RRAS2: variants seen among roughly 807,000 people sequenced by gnomAD.
RRAS2 encodes ras-related protein R-Ras2.
Under a neutral mutation model 27.6 loss-of-function variants are expected in RRAS2, and 7 were observed. The ratio of observed to expected loss-of-function variants is 0.25; its 90% CI spans 0.14 to 0.48. The LOEUF is 0.48. Ranked by LOEUF, RRAS2 falls within the 20% of genes least tolerant of loss-of-function variation. RRAS2 has a pLI of 0.99. For synonymous variants in RRAS2, 86 were observed against 90.9 expected (o/e 0.95, Z 0.31); for missense variants, 178 against 256.2 (o/e 0.69, Z 2.08).
intron 4 of RRAS2, among the ~76,000 whole-genome samples, chr11:14,293,738 T>C (rs1343944090): frequency 2.0e-5 from 3 of 152,134 alleles, no homozygotes; most frequent in African/African-American, 7.2e-5. Context: ...TCTTTATAAA[T>C]TACCCAGTCT....
At chr11:14,354,472 G>A (rs781937563) in intron 1 of RRAS2, 2 of 151,876 alleles carry the variant, frequency 1.3e-5, no homozygotes, top group Non-Finnish European at 1.5e-5. Context: ...AACTCAAAAC[G>A]GAATCCACAT....
At chr11:14,361,069 C>T (rs1554956139), upstream of RRAS2, among the ~76,000 whole-genome samples, 1 of 151,906 alleles carries the variant, frequency 6.6e-6, no homozygotes, top group African/African-American at 2.4e-5. Context: ...GCGGATTGCT[C>T]GCTTGAGCCC....
chr11:14,307,381 C>T (rs1373480490), intron 1 of RRAS2, among the ~76,000 whole-genome samples: 3 of 151,970 alleles, frequency 2.0e-5, no homozygotes, highest in African/African-American at 4.8e-5. Flanking sequence ...TCAAGACAAC[C>T]GTATTGGTAA....
chr11:14,333,953 T>G (rs1848538418), intron 1 of RRAS2, among the ~76,000 whole-genome samples: 1 of 152,218 alleles, frequency 6.6e-6, no homozygotes, highest in African/African-American at 2.4e-5. Flanking sequence ...TAATGAGCAT[T>G]AGCTTACCAG....
At chr11:14,344,768 T>C (rs1848793067) in intron 1 of RRAS2, among the ~76,000 whole-genome samples, 1 of 152,204 alleles carries the variant, frequency 6.6e-6, no homozygotes, top group African/African-American at 2.4e-5. Flanking sequence ...GACTATCTTC[T>C]CCAAAGACTA....
intron 4 of RRAS2, among the ~76,000 whole-genome samples, chr11:14,289,006 T>C (rs972287355): frequency 7.2e-5 from 11 of 152,188 alleles, no homozygotes; most frequent in Non-Finnish European, 1.3e-4. Flanking sequence ...CTGAACAAAA[T>C]TGACCTGTCA....
chr11:14,312,849 T>A (rs1340585275), intron 1 of RRAS2, among the ~76,000 whole-genome samples: 1 of 152,142 alleles, frequency 6.6e-6, no homozygotes, highest in African/African-American at 2.4e-5. Context: ...AGAACTAAAT[T>A]CCTCATCAAG....
At chr11:14,305,995 C>T (rs1218074301) in intron 1 of RRAS2, among the ~76,000 whole-genome samples, 3 of 152,012 alleles carry the variant, frequency 2.0e-5, no homozygotes, top group African/African-American at 7.3e-5. Context: ...CAGTGAGCTG[C>T]GACCGCACCA....
At chr11:14,361,833 C>A (rs1554956190), upstream of RRAS2, among the ~76,000 whole-genome samples, 1 of 152,174 alleles carries the variant, frequency 6.6e-6, no homozygotes, top group African/African-American at 2.4e-5. Flanking sequence ...GGAAACAACT[C>A]AGTTGTCCCT....
At chr11:14,350,698 T>TA (rs1158109878) in intron 1 of RRAS2, among the ~76,000 whole-genome samples, 27 of 149,090 alleles carry the variant, frequency 1.8e-4, no homozygotes, top group East Asian at 3.9e-4. Flanking sequence ...CTGACGAGGT[T>TA]AAAAAAAAAA....
intron 1 of RRAS2, among the ~76,000 whole-genome samples, chr11:14,339,950 C>T (rs1485995165): frequency 1.3e-5 from 2 of 151,694 alleles, no homozygotes; most frequent in Non-Finnish European, 2.9e-5. Context: ...CCCGTCCCTA[C>T]TAAGAACACA....
At chr11:14,348,285 CT>C (rs782297094) in intron 1 of RRAS2, among the ~76,000 whole-genome samples, 7 of 152,152 alleles carry the variant, frequency 4.6e-5, no homozygotes, top group Non-Finnish European at 8.8e-5. Flanking sequence ...AGATTTCCCC[CT>C]GTAAAGTTGT....
chr11:14,300,757 A>T (rs1039998434), intron 1 of RRAS2, among the ~76,000 whole-genome samples: 2 of 152,126 alleles, frequency 1.3e-5, no homozygotes, highest in Non-Finnish European at 2.9e-5. Flanking sequence ...CTCCCCATTC[A>T]AAGAAGCCAC....
intron 1 of RRAS2, among the ~76,000 whole-genome samples, chr11:14,299,748 T>C (rs562915690): frequency 6.0e-4 from 92 of 152,310 alleles, no homozygotes; most frequent in African/African-American, 2.1e-3. Flanking sequence ...GTGCCTTTTA[T>C]ACAACCACCA....
upstream of RRAS2, among the ~76,000 whole-genome samples, chr11:14,360,536 G>GACT (rs1297888060): frequency 3.9e-5 from 6 of 152,052 alleles, no homozygotes; most frequent in Admixed American, 3.9e-4. Context: ...TAGCAGCTGG[G>GACT]ACTACAGGCA....
chr11:14,358,121 C>T lies in RRAS2; in HGVS notation c.108+642G>A. ...AGGAATTCCTAGGAAATGGTCTCAC[C>T]CCATCAGAGAACATTTTTAACTTCC... On this transcript the variant is annotated intron_variant, in intron 1 of 5. Coordinates refer to ENST00000256196, the MANE Select transcript of RRAS2 (RefSeq NM_012250.6). This position sits in a 1 kb window ranked among gnomAD's most constrained non-coding sequence, Gnocchi z 5.1. 1.5e-6 allele frequency: 1 copy of T among 672,282 alleles called. No individual in the cohort carries two copies. The highest frequency in any genetic ancestry group is 1.8e-6 in the Non-Finnish European group (1 of 543,844). The allele number at this position is 672,282 out of a possible 1,614,324, so 41.6% of individuals were successfully genotyped here.
intron 4 of RRAS2, among the ~76,000 whole-genome samples, chr11:14,282,287 A>C (rs1474253225): frequency 6.6e-6 from 1 of 152,224 alleles, no homozygotes; most frequent in Non-Finnish European, 1.5e-5. Context: ...AGAGGCCATA[A>C]GGTCTCTTCA....
intron 1 of RRAS2, among the ~76,000 whole-genome samples, chr11:14,340,764 A>G (rs1230763739): frequency 1.3e-5 from 2 of 152,150 alleles, no homozygotes; most frequent in Non-Finnish European, 2.9e-5. Flanking sequence ...CCAAACCTCT[A>G]AACTCAAGAA....
chr11:14,295,886 A>G, intron 1 of RRAS2, 31 bp from the exon 2 acceptor site: 1 of 1,596,840 alleles, frequency 6.3e-7, no homozygotes, highest in Non-Finnish European at 8.6e-7. Context: ...TTATTTTAAA[A>G]TTCATGGCCA....
Sources: allele counts gnomAD v4.1 joint callset (sites outside exome capture counted in the v4.1 genomes callset), GRCh38; gene constraint gnomAD v4.1.1; non-coding constraint Gnocchi (gnomAD v3.1); transcripts MANE v1.5; gene names NCBI Gene and HGNC (gene_info 2026-07-23, HGNC 2026-07-21).